Variants in BMPR2 observed in about 807,000 individuals in gnomAD.
BMPR2 encodes the protein bone morphogenetic protein receptor type-2.
Under a neutral mutation model 100.8 loss-of-function variants are expected in BMPR2, and 29 were observed. The observed-to-expected ratio is 0.29, with a 90% CI of 0.21 to 0.39. The LOEUF (loss-of-function observed/expected upper bound fraction) is 0.39. BMPR2 is among the 10% of genes least tolerant of loss of function. The probability of loss-of-function intolerance (pLI) is 1.00; values close to 1 mark genes in which losing one functional copy is unlikely to be tolerated. For missense variants in BMPR2, 1,011 were observed against 1,274.5 expected, an observed-to-expected ratio of 0.79 and a Z score of 3.15; for synonymous variants, 382 against 442.3, an observed-to-expected ratio of 0.86 and a Z score of 1.71.
intron 4 of BMPR2, among the ~76,000 whole-genome samples, chr2:202,514,629 T>C (rs902361520): frequency 1.3e-5 from 2 of 152,218 alleles, no homozygotes; most frequent in Non-Finnish European, 2.9e-5. Flanking sequence ...TTTATAATAT[T>C]GCTTAGGGTT....
chr2:202,552,944 C>T (rs1268556518), intron 11 of BMPR2, 56 bp downstream of exon 11: 2 of 1,592,698 alleles, frequency 1.3e-6, no homozygotes, highest in African/African-American at 2.7e-5. Flanking sequence ...TGAGACCCAA[C>T]AAAGAATAGA....
intron 1 of BMPR2, among the ~76,000 whole-genome samples, chr2:202,435,954 C>T (rs891835018): frequency 2.0e-5 from 3 of 150,648 alleles, no homozygotes; most frequent in African/African-American, 7.5e-5. Context: ...ACAAATTTCT[C>T]AGAACATATT....
At chr2:202,504,565 G>A (rs1391437105) in intron 3 of BMPR2, among the ~76,000 whole-genome samples, 4 of 152,170 alleles carry the variant, frequency 2.6e-5, no homozygotes, top group African/African-American at 7.2e-5. Context: ...GCGAGGGTCC[G>A]TGGCTTCATT....
Position 202,536,870 on chromosome 2 carries a change from CAA to C in BMPR2, c.1276+4157_1276+4158del, listed in dbSNP as rs34999694. ...GGGCAACAAGAGTGAAACTCGGTCT[CAA>C]AAAAAAAAAAAAAAAAAAGAAGTAC... is the stretch of plus-strand genomic sequence containing the variant. On this transcript the variant is annotated intron_variant, in intron 9 of 12. Coordinates refer to ENST00000374580, the MANE Select transcript of BMPR2 (RefSeq NM_001204.7). Among the ~76,000 whole-genome samples, 57 of 84,240 alleles carry C rather than the reference CAA, an allele frequency of 6.8e-4. 1 individual carries two copies. The highest frequency in any genetic ancestry group is 6.1e-3 in the Middle Eastern group (1 of 164). 55.3% of individuals were successfully genotyped at this position (84,240 alleles called of 152,430 possible).
intron 3 of BMPR2, among the ~76,000 whole-genome samples, chr2:202,506,080 ATG>A (rs1385447584): frequency 6.6e-6 from 1 of 152,220 alleles, no homozygotes; most frequent in African/African-American, 2.4e-5. Flanking sequence ...CTTACATGTT[ATG>A]TGTAACTCAC....
At position 202,560,093 on chromosome 2, in the gene BMPR2, G is replaced by A. The variant is rs773682809; in HGVS notation, c.*147G>A. ...AAAGACTTGCTTTAAATAGATTTCA[G>A]CTATGCAGAAAAATTTAGCTTATGC... On this transcript the variant is annotated 3_prime_UTR_variant, in exon 13 of 13. Transcript: ENST00000374580. 9.5e-7 allele frequency: 1 copy of A among 1,048,150 alleles called. No homozygotes were observed. Among genetic ancestry groups the A allele is most frequent in the Non-Finnish European group, 1.4e-6 (1 of 740,086 alleles). The allele number at this position is 1,048,150 out of a possible 1,614,324, so 64.9% of individuals were successfully genotyped here. A position where few individuals can be genotyped will look rare whatever the true frequency, so the allele number is the denominator to read the frequency against.
In BMPR2 at chr2:202,377,355, G is replaced by C. The variant is rs1690171683; in HGVS notation, c.-120G>C. On this transcript the variant is annotated 5_prime_UTR_variant, in exon 1 of 13. Coordinates refer to ENST00000374580, the MANE Select transcript of BMPR2 (RefSeq NM_001204.7). Reference sequence around the variant, plus strand: ...CATCAGCCATTTGTCCTTTCAAACTGTATTGTGATACGGGCAGGATCAGTC... The same window carrying C: ...CATCAGCCATTTGTCCTTTCAAACTCTATTGTGATACGGGCAGGATCAGTC... The C allele has an allele frequency of 1.0e-6, 1 of 952,594 alleles. No homozygotes were observed. The highest frequency in any genetic ancestry group is 1.6e-5 in the African/African-American group (1 of 62,206). The allele number at this position is 952,594 out of a possible 1,614,324, so 59.0% of individuals were successfully genotyped here.
chr2:202,542,159 T>C, intron 9 of BMPR2, 152 bp from the exon 10 acceptor site: 2 of 884,572 alleles, frequency 2.3e-6, no homozygotes, highest in South Asian at 3.3e-5. Context: ...AAGGTCTCTT[T>C]AGGATTTCCA....
chr2:202,416,355 C>T (rs1691124890), intron 1 of BMPR2, among the ~76,000 whole-genome samples: 1 of 151,680 alleles, frequency 6.6e-6, no homozygotes, highest in Admixed American at 6.6e-5. Context: ...GCATCAACCT[C>T]CTGGGCTTTA....
At chr2:202,446,356 C>G (rs941217018) in intron 1 of BMPR2, among the ~76,000 whole-genome samples, 1 of 150,016 alleles carries the variant, frequency 6.7e-6, no homozygotes, top group Non-Finnish European at 1.5e-5. Flanking sequence ...CAAGATTGCG[C>G]CATTGCACTC....
rs527747176 is a variant in BMPR2 at position 202,417,432 on chromosome 2, AGCTGGGATTACAG to A, written c.76+39885_76+39897del. 2.5e-3 allele frequency among the ~76,000 whole-genome samples: 379 copies of A among 151,788 alleles called. 1 individual carries two copies. Among genetic ancestry groups the A allele is most frequent in the Non-Finnish European group, 3.8e-3 (259 of 67,902 alleles). Reference sequence around the variant, plus strand: ...ATTCTCCTGCCTCAGCCTCCTGAGTAGCTGGGATTACAGGCATGCGCCACCATGCCCGTCTAAT... The same window carrying A: ...ATTCTCCTGCCTCAGCCTCCTGAGTAGCATGCGCCACCATGCCCGTCTAAT... On this transcript the variant is annotated intron_variant, in intron 1 of 12. Coordinates refer to ENST00000374580, the MANE Select transcript of BMPR2 (RefSeq NM_001204.7).
intron 1 of BMPR2, among the ~76,000 whole-genome samples, chr2:202,463,748 A>G (rs948244149): frequency 1.3e-5 from 2 of 152,224 alleles, no homozygotes; most frequent in East Asian, 1.9e-4. Context: ...AATTAGTTAA[A>G]TCGGATTATG....
At chr2:202,411,038 G>A (rs932671736) in intron 1 of BMPR2, among the ~76,000 whole-genome samples, 1 of 152,014 alleles carries the variant, frequency 6.6e-6, no homozygotes, top group Non-Finnish European at 1.5e-5. Context: ...ATCATTAGGC[G>A]ATCTCCATGG....
intron 1 of BMPR2, among the ~76,000 whole-genome samples, chr2:202,437,675 C>T (rs1052897924): frequency 1.3e-5 from 2 of 150,518 alleles, no homozygotes; most frequent in Non-Finnish European, 2.9e-5. Context: ...CTCAAATTTG[C>T]CTGTTCTAGA....
intron 1 of BMPR2, among the ~76,000 whole-genome samples, chr2:202,417,727 T>C (rs1691164528): frequency 6.6e-6 from 1 of 151,880 alleles, no homozygotes; most frequent in South Asian, 2.1e-4. Context: ...CTTTTTTTTT[T>C]TTCTTTTTTG....
intron 1 of BMPR2, among the ~76,000 whole-genome samples, chr2:202,462,852 C>T (rs1433900858): frequency 6.6e-6 from 1 of 152,076 alleles, no homozygotes; most frequent in African/African-American, 2.4e-5. Flanking sequence ...GCTGGGATTA[C>T]AGGCGTACAC....
chr2:202,407,737 G>C (rs1690931203), intron 1 of BMPR2, among the ~76,000 whole-genome samples: 1 of 151,250 alleles, frequency 6.6e-6, no homozygotes, highest in Non-Finnish European at 1.5e-5. Context: ...CCTGGGCGAC[G>C]GAGTTCCGTC....
intron 3 of BMPR2, among the ~76,000 whole-genome samples, chr2:202,472,326 CAA>C (rs959249962): frequency 6.6e-6 from 1 of 152,140 alleles, no homozygotes; most frequent in African/African-American, 2.4e-5. Context: ...ACAAACAAAA[CAA>C]AGTCTCTAAT....
In BMPR2 at chr2:202,413,781, C is replaced by G. The variant is rs1175475540; in HGVS notation, c.76+36231C>G. ...CCGTGTTCAAATGATCCTCCCACCT[C>G]AGTCTCTTGAATAGCTGGGACCACA... On this transcript the variant is annotated intron_variant, in intron 1 of 12. Coordinates refer to ENST00000374580, the MANE Select transcript of BMPR2 (RefSeq NM_001204.7). Among the ~76,000 whole-genome samples the G allele has an allele frequency of 2.6e-5, 4 of 152,028 alleles. No homozygotes were observed. The East Asian group carries it at 7.7e-4, about 29-fold the overall frequency.
Sources: gnomAD v4.1 joint callset for allele counts (sites outside exome capture counted in the v4.1 genomes callset) on GRCh38, gnomAD v4.1.1 for gene constraint, MANE v1.5 for transcripts, NCBI Gene and HGNC (gene_info 2026-07-23, HGNC 2026-07-21) for gene names.